The following MVB12B variants were observed in gnomAD, a reference collection of about 807,000 sequenced individuals.
The protein encoded by MVB12B is multivesicular body subunit 12B.
In MVB12B, 16 loss-of-function variants were observed where a neutral mutation model predicts 41.6. The ratio of observed to expected loss-of-function variants is 0.38; its 90% CI spans 0.26 to 0.58. The LOEUF is 0.58. Ranked by LOEUF, MVB12B falls within the 20% of genes least tolerant of loss-of-function variation. The probability of loss-of-function intolerance (pLI) is 0.62; values close to 1 mark genes in which losing one functional copy is unlikely to be tolerated. For synonymous variants in MVB12B, 133 were observed against 139.7 expected, an observed-to-expected ratio of 0.95 and a Z score of 0.34; for missense variants, 274 against 380.2, an observed-to-expected ratio of 0.72 and a Z score of 2.32.
At chr9:126,454,224 T>G (rs1832936121) in intron 7 of MVB12B, among the ~76,000 whole-genome samples, 1 of 152,212 alleles carries the variant, frequency 6.6e-6, no homozygotes, top group Non-Finnish European at 1.5e-5. Context: ...AAAGGAGAAG[T>G]TTGGCTGTTA....
chr9:126,383,635 C>G (rs899098697), intron 3 of MVB12B, among the ~76,000 whole-genome samples: 4 of 151,942 alleles, frequency 2.6e-5, no homozygotes, highest in African/African-American at 9.7e-5. Context: ...ATCATTTGCT[C>G]AACAAGGATT....
chr9:126,356,174 T>C (rs1279480343), intron 2 of MVB12B, among the ~76,000 whole-genome samples: 2 of 152,250 alleles, frequency 1.3e-5, no homozygotes, highest in African/African-American at 4.8e-5. Context: ...CTACCACATG[T>C]TATTTTTTCT....
At chr9:126,411,754 A>C (rs1831659147) in intron 6 of MVB12B, among the ~76,000 whole-genome samples, 1 of 152,186 alleles carries the variant, frequency 6.6e-6, no homozygotes. Flanking sequence ...CCACAACTGA[A>C]AATATTTTAG....
chr9:126,448,905 A>C (rs1832841833), intron 7 of MVB12B, among the ~76,000 whole-genome samples: 2 of 152,202 alleles, frequency 1.3e-5, no homozygotes, highest in South Asian at 4.1e-4. Context: ...ATCAAGCCTC[A>C]TCCCAGAACT....
At chr9:126,329,468 C>T (rs984989697) in intron 1 of MVB12B, among the ~76,000 whole-genome samples, 10 of 152,116 alleles carry the variant, frequency 6.6e-5, no homozygotes, top group Non-Finnish European at 1.5e-4. Flanking sequence ...ACAAGAATAT[C>T]CTGTGTTTGT....
Position 126,343,277 on chromosome 9 carries a change from G to A in MVB12B, c.204+2647G>A, listed in dbSNP as rs1056671875. Among the ~76,000 whole-genome samples, 8 of 152,294 alleles carry A rather than the reference G, an allele frequency of 5.3e-5. 1 individual carries two copies. The South Asian group carries it at 1.2e-3, about 24-fold the overall frequency. ...GCACCCACACTATCTGGGAGTGACT[G>A]GTGCTTCTCTCCCCTTGCAGTCAGA... is the stretch of plus-strand genomic sequence containing the variant. On this transcript the variant is annotated intron_variant, in intron 2 of 9. Transcript: ENST00000361171.
intron 7 of MVB12B, among the ~76,000 whole-genome samples, chr9:126,450,113 A>G (rs1564335648): frequency 2.6e-5 from 4 of 152,222 alleles, no homozygotes. Flanking sequence ...AGTCAAGTTC[A>G]TGTCGCAGTC....
intron 7 of MVB12B, among the ~76,000 whole-genome samples, chr9:126,442,304 A>G (rs769289115): frequency 4.6e-5 from 7 of 152,186 alleles, no homozygotes; most frequent in Non-Finnish European, 7.3e-5. Context: ...CTGGGGTTCT[A>G]TCTAACTTCC....
At position 126,412,673 on chromosome 9, in the gene MVB12B, C is replaced by G. The variant is rs961740319; in HGVS notation, c.663-9181C>G. Among the ~76,000 whole-genome samples the G allele has an allele frequency of 2.6e-5, 4 of 152,272 alleles. No individual in the cohort carries two copies. The East Asian group carries it at 7.7e-4, about 29-fold the overall frequency. The stretch of plus-strand genomic sequence containing the variant: ...AAGAGCAGTGGGGAGAATCCACACT[C>G]CCATCTTAGAGGCTTCTGTCGTCAA... On this transcript the variant is annotated intron_variant, in intron 6 of 9. Coordinates refer to ENST00000361171, the MANE Select transcript of MVB12B (RefSeq NM_033446.3).
At chr9:126,356,826 G>C (rs867087924) in intron 2 of MVB12B, among the ~76,000 whole-genome samples, 3 of 151,932 alleles carry the variant, frequency 2.0e-5, no homozygotes, top group Non-Finnish European at 4.4e-5. Context: ...TGCTGCTCCT[G>C]CTCTGGCCAT....
chr9:126,442,821 C>A (rs1291568071), intron 7 of MVB12B, among the ~76,000 whole-genome samples: 2 of 152,174 alleles, frequency 1.3e-5, no homozygotes, highest in Non-Finnish European at 2.9e-5. Flanking sequence ...GTATCCTCTT[C>A]CCCCAATGTG....
intron 6 of MVB12B, among the ~76,000 whole-genome samples, chr9:126,414,425 G>T (rs1384441684): frequency 6.6e-6 from 1 of 152,202 alleles, no homozygotes; most frequent in Admixed American, 6.5e-5. Context: ...GCAGGGGGAA[G>T]GGGAGGATAG....
At chr9:126,334,953 A>G (rs976797387) in intron 1 of MVB12B, among the ~76,000 whole-genome samples, 2 of 152,168 alleles carry the variant, frequency 1.3e-5, no homozygotes, top group African/African-American at 4.8e-5. Context: ...GTCCTGCCTC[A>G]TGGGGTTTAT....
At chr9:126,341,940 T>C (rs1484857504) in intron 2 of MVB12B, among the ~76,000 whole-genome samples, 1 of 152,162 alleles carries the variant, frequency 6.6e-6, no homozygotes, top group Non-Finnish European at 1.5e-5. Context: ...ACACATCCCT[T>C]CTCCAACTGT....
rs1401627697 is a variant in MVB12B at position 126,379,379 on chromosome 9, G to GTTT, written c.205-1685_205-1684insTTT. ...ATCTTTCAAAACATGTAATCCATGG[G>GTTT]AGAAAACAAGCATAGGGGGTGCTTT... On this transcript the variant is annotated intron_variant, in intron 2 of 9. Transcript: ENST00000361171. 3.6e-3 allele frequency among the ~76,000 whole-genome samples: 555 copies of GTTT among 152,288 alleles called. 2 individuals are homozygous for GTTT. The highest frequency in any genetic ancestry group is 0.013 in the African/African-American group (533 of 41,542).
intron 7 of MVB12B, among the ~76,000 whole-genome samples, chr9:126,424,933 G>A (rs1832129217): frequency 6.6e-6 from 1 of 152,212 alleles, no homozygotes. Flanking sequence ...GGGGTGGGAG[G>A]TGGATAGATC....
At position 126,340,255 on chromosome 9, in the gene MVB12B, A is replaced by G. The variant is rs1487152372; in HGVS notation, c.82-253A>G. ...GTGCTCTTGGGTTTGAGTCAAGCTCACCTCCTGAGAGTAGAGACAAGCTCT... is the reference window on the plus strand; with the variant it reads ...GTGCTCTTGGGTTTGAGTCAAGCTCGCCTCCTGAGAGTAGAGACAAGCTCT... On this transcript the variant is annotated intron_variant, in intron 1 of 9. Transcript: ENST00000361171. The surrounding 1 kb of genome is among the most constrained non-coding windows in gnomAD (Gnocchi z 4.0). Among the ~76,000 whole-genome samples, 1 of 152,002 alleles carries G rather than the reference A, an allele frequency of 6.6e-6. No individual in the cohort carries two copies. The highest frequency in any genetic ancestry group is 1.5e-5 in the Non-Finnish European group (1 of 68,022).
chr9:126,419,721 GTTCCCAGACCTGGCCAGTC>G (rs906494185), intron 6 of MVB12B, among the ~76,000 whole-genome samples: 27 of 152,226 alleles, frequency 1.8e-4, no homozygotes, highest in East Asian at 9.7e-4. Context: ...CCCTCGCAGG[GTTCCCAGACCTGGCCAGTC>G]TTCCCAGACC....
intron 7 of MVB12B, among the ~76,000 whole-genome samples, chr9:126,435,071 A>G (rs1299378552): frequency 6.7e-6 from 1 of 148,606 alleles, no homozygotes; most frequent in Non-Finnish European, 1.5e-5. Context: ...ATAACATTGC[A>G]GTCTGTTTTC....
Sources: allele counts gnomAD v4.1 joint callset (sites outside exome capture counted in the v4.1 genomes callset), GRCh38; gene constraint gnomAD v4.1.1; non-coding constraint Gnocchi (gnomAD v3.1); transcripts MANE v1.5; gene names NCBI Gene and HGNC (gene_info 2026-07-23, HGNC 2026-07-21).